The following VAV3 variants were observed in gnomAD, a reference collection of about 807,000 sequenced individuals.
VAV3 encodes the protein guanine nucleotide exchange factor VAV3.
Under a neutral mutation model 131.2 loss-of-function variants are expected in VAV3, and 94 were observed. The observed-to-expected ratio is 0.72, with a 90% CI of 0.61 to 0.85. The LOEUF (loss-of-function observed/expected upper bound fraction) is 0.85. VAV3 is among the 40% of genes least tolerant of loss of function. The probability of loss-of-function intolerance (pLI) is 0.00; values close to 1 mark genes in which losing one functional copy is unlikely to be tolerated. For synonymous variants in VAV3, 349 were observed against 342.0 expected (o/e 1.02, Z -0.22); for missense variants, 939 against 1,002.7 (o/e 0.94, Z 0.86).
chr1:107,765,139 C>T lies in VAV3; in HGVS notation c.858G>A (p.Glu286=). 1 of 1,613,408 alleles carries T rather than the reference C, an allele frequency of 6.2e-7. No individual in the cohort carries two copies. Among genetic ancestry groups the T allele is most frequent in the Non-Finnish European group, 8.5e-7 (1 of 1,179,540 alleles). ...VIYGQYCSGV[E]SAISSLDYIS... ...TGTAGTCTAAACTAGAGATGGCTGA[C>T]TCCACTCCACTGCAGTACTGCCCGT... The change falls in exon 9 of 27, where the codon GAG becomes GAA. Residue 286 remains glutamate, a synonymous_variant. Coordinates refer to ENST00000370056, the MANE Select transcript of VAV3 (RefSeq NM_006113.5).
intron 15 of VAV3, among the ~76,000 whole-genome samples, chr1:107,720,230 A>C (rs1386753229): frequency 6.6e-6 from 1 of 151,806 alleles, no homozygotes; most frequent in Non-Finnish European, 1.5e-5. Context: ...AAATAAATAA[A>C]AAATTAGCCA....
chr1:107,913,137 G>A (rs969510085), intron 1 of VAV3, among the ~76,000 whole-genome samples: 1 of 152,126 alleles, frequency 6.6e-6, no homozygotes, highest in Admixed American at 6.5e-5. Flanking sequence ...AGTCCATACT[G>A]TCGACAGCAA....
chr1:107,728,624 T>TGTATATGTATATGTATATGTATAC (rs1662016641), intron 15 of VAV3, among the ~76,000 whole-genome samples: 6 of 103,754 alleles, frequency 5.8e-5, no homozygotes, highest in Admixed American at 1.1e-4. Context: ...TATATGTATA[T>TGTATATGTATATGTATATGTATAC]GTATATGTAT....
At chr1:107,599,725 A>G (rs954221586) in intron 24 of VAV3, among the ~76,000 whole-genome samples, 2 of 151,812 alleles carry the variant, frequency 1.3e-5, no homozygotes, top group Admixed American at 1.3e-4. Context: ...AAACCAGTTA[A>G]TTTAAAAGAA....
chr1:107,875,207 G>A (rs1670437210), intron 1 of VAV3, among the ~76,000 whole-genome samples, 190 bp from the exon 2 acceptor site: 2 of 152,164 alleles, frequency 1.3e-5, no homozygotes, highest in Non-Finnish European at 2.9e-5. Context: ...ATACAGCTGT[G>A]ACCAAGGCAA....
At chr1:107,709,003 T>C (rs1225534492) in intron 15 of VAV3, among the ~76,000 whole-genome samples, 3 of 152,054 alleles carry the variant, frequency 2.0e-5, no homozygotes, top group Non-Finnish European at 4.4e-5. Context: ...AGAATCCTAA[T>C]ATAGACACAC....
chr1:107,577,558 A>G (rs545485145), intron 25 of VAV3, among the ~76,000 whole-genome samples: 1 of 152,238 alleles, frequency 6.6e-6, no homozygotes, highest in African/African-American at 2.4e-5. Context: ...TGGAATATAA[A>G]CAAAAGTGTC....
Position 107,889,107 on chromosome 1 carries a change from T to G in VAV3, c.205-14090A>C, listed in dbSNP as rs1450472276. ...CAGAGCCAGGATTTGCATCCAGGACTTTTGTTCCAAGTTCTCCTGTGTAGA... is the reference window on the plus strand; with the variant it reads ...CAGAGCCAGGATTTGCATCCAGGACGTTTGTTCCAAGTTCTCCTGTGTAGA... On this transcript the variant is annotated intron_variant, in intron 1 of 26. Transcript: ENST00000370056. 2.0e-5 allele frequency among the ~76,000 whole-genome samples: 3 copies of G among 149,896 alleles called. No homozygotes were observed. In the East Asian group the frequency reaches 6.0e-4, roughly 30 times the overall value.
At chr1:107,857,232 G>A (rs1669518566) in intron 2 of VAV3, among the ~76,000 whole-genome samples, 2 of 152,034 alleles carry the variant, frequency 1.3e-5, no homozygotes, top group Admixed American at 6.6e-5. Context: ...ACACGAAAAG[G>A]CTACACTGGC....
At chr1:107,720,234 T>G (rs925499348) in intron 15 of VAV3, among the ~76,000 whole-genome samples, 1 of 151,570 alleles carries the variant, frequency 6.6e-6, no homozygotes, top group Non-Finnish European at 1.5e-5. Context: ...AAATAAAAAA[T>G]TAGCCACGTA....
intron 2 of VAV3, among the ~76,000 whole-genome samples, chr1:107,804,109 T>C (rs1404465462): frequency 2.6e-5 from 4 of 152,104 alleles, no homozygotes; most frequent in Non-Finnish European, 5.9e-5. Context: ...TCTATCCCAT[T>C]ACTTTCAGCC....
intron 21 of VAV3, among the ~76,000 whole-genome samples, chr1:107,612,205 T>C (rs115010839): frequency 0.14 from 20,702 of 150,522 alleles, 1,517 homozygotes; most frequent in Non-Finnish European, 0.16. Flanking sequence ...TATAAATAAA[T>C]ATATATGTGT....
intron 2 of VAV3, among the ~76,000 whole-genome samples, chr1:107,859,077 T>G (rs1182518329): frequency 2.0e-5 from 3 of 151,604 alleles, no homozygotes; most frequent in African/African-American, 4.8e-5. Context: ...TGAGGAGTTT[T>G]TTTTTTTTTT....
At chr1:107,851,392 C>T (rs1380443103) in intron 2 of VAV3, among the ~76,000 whole-genome samples, 2 of 127,786 alleles carry the variant, frequency 1.6e-5, no homozygotes, top group African/African-American at 3.0e-5. Flanking sequence ...TAGAAAAACA[C>T]TCAGAAAAAA....
At chr1:107,952,257 G>A (rs911106321) in intron 1 of VAV3, among the ~76,000 whole-genome samples, 1 of 151,780 alleles carries the variant, frequency 6.6e-6, no homozygotes, top group Non-Finnish European at 1.5e-5. Flanking sequence ...AGGGCTAAAT[G>A]ATGAGATCAC....
Position 107,675,773 on chromosome 1 carries a change from G to T in VAV3, c.1777+7715C>A, listed in dbSNP as rs572080350. On this transcript the variant is annotated intron_variant, in intron 19 of 26. Transcript: ENST00000370056. ...TAAACCAATCTATGCTAACATGTCA[G>T]TAGATAACAGTAGAAAAAAGGATGA... 5.3e-5 allele frequency among the ~76,000 whole-genome samples: 8 copies of T among 152,250 alleles called. No homozygotes were observed. The South Asian group carries it at 1.7e-3, about 32-fold the overall frequency.
At chr1:107,820,025 T>C (rs1012098905) in intron 2 of VAV3, among the ~76,000 whole-genome samples, 3 of 152,096 alleles carry the variant, frequency 2.0e-5, no homozygotes, top group African/African-American at 4.8e-5. Context: ...TAAATTAGTA[T>C]AGCCAATATG....
chr1:107,964,958 C>A lies in VAV3; in HGVS notation c.-89G>T. On this transcript the variant is annotated 5_prime_UTR_variant, in exon 1 of 27. Coordinates refer to ENST00000370056, the MANE Select transcript of VAV3 (RefSeq NM_006113.5). ...CCGCCGCGGTTCCTCCGCGCCCCGC[C>A]GACGCCAACAGCCGCCGGCCCTTTC... The A allele has an allele frequency of 9.0e-7, 1 of 1,108,850 alleles. No individual in the cohort carries two copies. The highest frequency in any genetic ancestry group is 1.1e-6 in the Non-Finnish European group (1 of 881,794). 68.7% of individuals were successfully genotyped at this position (1,108,850 alleles called of 1,614,324 possible).
intron 17 of VAV3, among the ~76,000 whole-genome samples, chr1:107,700,218 T>C (rs542855351): frequency 6.6e-6 from 1 of 152,336 alleles, no homozygotes; most frequent in South Asian, 2.1e-4. Flanking sequence ...TCATGGTCTA[T>C]GCAGTCAACT....
Sources: allele counts gnomAD v4.1 joint callset (sites outside exome capture counted in the v4.1 genomes callset), GRCh38; gene constraint gnomAD v4.1.1; transcripts MANE v1.5; gene names NCBI Gene and HGNC (gene_info 2026-07-23, HGNC 2026-07-21).